Variants in XDH observed in about 807,000 individuals in gnomAD.
XDH encodes xanthine dehydrogenase/oxidase.
In XDH, 138 loss-of-function variants were observed where a neutral mutation model predicts 156.1. The ratio of observed to expected loss-of-function variants is 0.88; its 90% CI spans 0.77 to 1.02. XDH has a LOEUF of 1.02. Ranked by LOEUF, XDH falls within the 50% of genes least tolerant of loss-of-function variation. The pLI, the probability that XDH is intolerant of heterozygous loss-of-function variation, is 0.00. For missense variants in XDH, 1,849 were observed against 1,684.9 expected, an observed-to-expected ratio of 1.10 and a Z score of -1.71; for synonymous variants, 669 against 625.7, an observed-to-expected ratio of 1.07 and a Z score of -1.03.
At position 31,366,058 on chromosome 2, in the gene XDH, C is replaced by A. The variant is rs760072094; in HGVS notation, c.2374G>T (p.Val792Leu). The change falls in exon 22 of 36, where the codon GTG becomes TTG. Residue 792 changes from valine (V) to leucine (L), a missense_variant. Coordinates refer to ENST00000379416, the MANE Select transcript of XDH (RefSeq NM_000379.4). Reference sequence around the variant, plus strand: ...CCAAAGCCTCCTCCCATTCTCTTCACTCGAACCACAATCCGGTTTGCTGGA... The same window carrying A: ...CCAAAGCCTCCTCCCATTCTCTTCAATCGAACCACAATCCGGTTTGCTGGA... The part of the protein sequence containing the change: ...GVPANRIVVR[V>L]KRMGGGFGGK... The A allele has an allele frequency of 2.5e-6, 4 of 1,614,210 alleles. No homozygotes were observed. The highest frequency in any genetic ancestry group is 3.4e-6 in the Non-Finnish European group (4 of 1,180,028).
chr2:31,383,626 G>C (rs1686501773), intron 10 of XDH, 129 bp downstream of exon 10: 1 of 865,604 alleles, frequency 1.2e-6, no homozygotes, highest in Non-Finnish European at 1.9e-6. Flanking sequence ...CCCTGTGCAA[G>C]GTGAGCCCCA....
chr2:31,372,086 C>T, intron 17 of XDH, 142 bp downstream of exon 17: 1 of 1,249,766 alleles, frequency 8.0e-7, no homozygotes, highest in Non-Finnish European at 1.2e-6. Context: ...TAAGGTCTTC[C>T]CCTCTCTCTA....
At chr2:31,380,966 T>A (rs532344688) in intron 12 of XDH, among the ~76,000 whole-genome samples, 1 of 152,338 alleles carries the variant, frequency 6.6e-6, no homozygotes, top group Non-Finnish European at 1.5e-5. Context: ...TTGAATATAA[T>A]TTATTTCATT....
chr2:31,383,005 A>G lies in XDH; in HGVS notation c.1034T>C (p.Val345Ala). ...TTGCTTCTGAGAGCGACTCACCGCC[A>G]CAGACTTGACTTGCTTCCCAGCAAA... ...RWFAGKQVKSVASVGGNIITA... is the reference protein window; with the variant it reads ...RWFAGKQVKSAASVGGNIITA... Residue 345 changes from valine to alanine, a missense_variant, in exon 11 of 36, where the codon GTG (valine) becomes GCG (alanine). Val to Ala is a moderately conservative substitution (Grantham distance 64). Coordinates refer to ENST00000379416, the MANE Select transcript of XDH (RefSeq NM_000379.4). 2 of 1,614,156 alleles carry G rather than the reference A, an allele frequency of 1.2e-6. No individual in the cohort carries two copies. The highest frequency in any genetic ancestry group is 2.7e-5 in the African/African-American group (2 of 75,046).
At chr2:31,351,470 C>T (rs1284968161) in intron 24 of XDH, among the ~76,000 whole-genome samples, 1 of 152,160 alleles carries the variant, frequency 6.6e-6, no homozygotes, top group African/African-American at 2.4e-5. Context: ...TTTAAATTCG[C>T]TGCCCACTAG....
intron 6 of XDH, among the ~76,000 whole-genome samples, chr2:31,392,131 A>T (rs1686781886): frequency 6.6e-6 from 1 of 152,166 alleles, no homozygotes; most frequent in African/African-American, 2.4e-5. Context: ...CATTTAATGT[A>T]CATGAGCTCT....
At chr2:31,395,397 T>C (rs533731382) in intron 6 of XDH, among the ~76,000 whole-genome samples, 2 of 152,264 alleles carry the variant, frequency 1.3e-5, no homozygotes, top group South Asian at 4.1e-4. Context: ...GAGGATCTAA[T>C]ATAACCTCAG....
chr2:31,406,646 C>T (rs6759319), intron 1 of XDH, among the ~76,000 whole-genome samples: 16,497 of 152,272 alleles, frequency 0.11, 1,038 homozygotes, highest in Middle Eastern at 0.12. Context: ...GCACCTTCCA[C>T]GCTGGCTCGA....
In XDH at chr2:31,383,786, A is replaced by T. The variant is rs1572551681; in HGVS notation, c.855T>A (p.Pro285=). 1 of 1,614,152 alleles carries T rather than the reference A, an allele frequency of 6.2e-7. No individual in the cohort carries two copies. Among genetic ancestry groups the T allele is most frequent in the Non-Finnish European group, 8.5e-7 (1 of 1,180,032 alleles). The change falls in exon 10 of 36, where the codon CCT becomes CCA. Residue 285 remains proline (P), a synonymous_variant. Coordinates refer to ENST00000379416, the MANE Select transcript of XDH (RefSeq NM_000379.4). ...GTCCATGTTCTACCGAATTCAGCTC[A>T]GGGATCCAGGCTGGGCAGACAATCA... ...FPMIVCPAWI[P]ELNSVEHGPD...
intron 1 of XDH, among the ~76,000 whole-genome samples, chr2:31,409,456 C>T (rs976509692): frequency 3.9e-5 from 6 of 152,204 alleles, no homozygotes; most frequent in Admixed American, 3.3e-4. Context: ...AAAGGTCTTT[C>T]CATCTCCCCT....
intron 2 of XDH, among the ~76,000 whole-genome samples, chr2:31,404,247 G>T (rs144001299): frequency 6.6e-6 from 1 of 152,292 alleles, no homozygotes; most frequent in African/African-American, 2.4e-5. Flanking sequence ...AAGGTTTTCT[G>T]TGTCCTAGTC....
intron 21 of XDH, 102 bp from the exon 22 acceptor site, chr2:31,366,211 C>T (rs938483808): frequency 9.4e-6 from 15 of 1,587,932 alleles, no homozygotes; most frequent in Non-Finnish European, 1.2e-5. Flanking sequence ...ATTACTGCTG[C>T]GAATTCTGAA....
chr2:31,337,839 G>C (rs1685009262), intron 34 of XDH, 22 bp from the exon 35 acceptor site: 4 of 1,611,888 alleles, frequency 2.5e-6, no homozygotes, highest in East Asian at 4.5e-5. Flanking sequence ...CAGGGCACAG[G>C]GCAGGGGCTC....
intron 2 of XDH, among the ~76,000 whole-genome samples, chr2:31,404,823 A>T (rs910634251): frequency 3.3e-5 from 5 of 152,212 alleles, no homozygotes; most frequent in African/African-American, 1.2e-4. Flanking sequence ...AAAGTACACC[A>T]AAGCCAACCA....
intron 3 of XDH, among the ~76,000 whole-genome samples, chr2:31,402,258 T>C (rs1687079893): frequency 6.6e-6 from 1 of 152,236 alleles, no homozygotes; most frequent in Non-Finnish European, 1.5e-5. Context: ...AGTAAGGCAA[T>C]TGTATAATTG....
chr2:31,409,947 GACA>G (rs760354768), intron 1 of XDH, among the ~76,000 whole-genome samples: 4 of 152,178 alleles, frequency 2.6e-5, no homozygotes, highest in African/African-American at 9.6e-5. Context: ...CTGAGTTCAT[GACA>G]ACGTTATTCA....
intron 6 of XDH, among the ~76,000 whole-genome samples, chr2:31,395,340 A>C (rs1686874221): frequency 6.6e-6 from 1 of 152,130 alleles, no homozygotes; most frequent in African/African-American, 2.4e-5. Flanking sequence ...CCACAGGTGA[A>C]AGACTAAAGG....
At chr2:31,340,328 A>G (rs1298460061) in intron 33 of XDH, among the ~76,000 whole-genome samples, 1 of 152,230 alleles carries the variant, frequency 6.6e-6, no homozygotes, top group Non-Finnish European at 1.5e-5. Context: ...TGAATTAATG[A>G]ACAGATTGAC....
rs934907059 is a variant in XDH, at chr2:31,394,265, C to T, written c.495+3403G>A. Among the ~76,000 whole-genome samples, 10 of 152,062 alleles carry T rather than the reference C, an allele frequency of 6.6e-5. No individual in the cohort carries two copies. In the South Asian group the frequency reaches 1.9e-3, roughly 28 times the overall value. On this transcript the variant is annotated intron_variant, in intron 6 of 35. Transcript: ENST00000379416. ...TTTGTTTGAGAAAATATTTCTCACT[C>T]GCTTTTGAAGGATACTTACGGAGGT...
Sources: gnomAD v4.1 joint callset for allele counts (sites outside exome capture counted in the v4.1 genomes callset) on GRCh38, gnomAD v4.1.1 for gene constraint, MANE v1.5 for transcripts, NCBI Gene and HGNC (gene_info 2026-07-23, HGNC 2026-07-21) for gene names.